Variants in CELF4 observed in about 807,000 individuals in gnomAD.
CELF4 encodes the protein CUGBP Elav-like family member 4.
Under a neutral mutation model 59.9 loss-of-function variants are expected in CELF4, and 18 were observed. That is an observed-to-expected ratio of 0.30 (90% CI 0.21 to 0.45). The LOEUF (loss-of-function observed/expected upper bound fraction) is 0.45, where lower values mean the gene tolerates loss of function less well. CELF4 is among the 20% of genes least tolerant of loss of function. The pLI is 1.00. For synonymous variants in CELF4, 261 were observed against 267.1 expected (o/e 0.98, Z 0.22); for missense variants, 456 against 689.0 (o/e 0.66, Z 3.79).
chr18:37,274,258 G>C, intron 6 of CELF4, 53 bp downstream of exon 6: 1 of 1,595,066 alleles, frequency 6.3e-7, no homozygotes, highest in Non-Finnish European at 8.5e-7. Flanking sequence ...CGCTCTCTGA[G>C]GCTCCCAGGG....
intron 8 of CELF4, among the ~76,000 whole-genome samples, chr18:37,268,642 A>T (rs146755862): frequency 6.6e-6 from 1 of 152,338 alleles, no homozygotes; most frequent in African/African-American, 2.4e-5. Context: ...TGTTTATGTG[A>T]CAGTAAAGGC....
At chr18:37,450,625 C>T (rs1482436300) in intron 2 of CELF4, among the ~76,000 whole-genome samples, 1 of 152,146 alleles carries the variant, frequency 6.6e-6, no homozygotes, top group Admixed American at 6.5e-5. Context: ...ATCTCCATGG[C>T]TGGAATGTTG....
chr18:37,336,913 C>A (rs550199249), intron 2 of CELF4, among the ~76,000 whole-genome samples: 1 of 151,996 alleles, frequency 6.6e-6, no homozygotes, highest in East Asian at 1.9e-4. Context: ...GCGGGGCTGC[C>A]GGGCTGGCCC....
intron 2 of CELF4, among the ~76,000 whole-genome samples, chr18:37,323,461 C>T (rs901744631): frequency 1.3e-5 from 2 of 152,202 alleles, no homozygotes; most frequent in African/African-American, 4.8e-5. Flanking sequence ...TCCCTGTGAA[C>T]GAGCTCCTTT....
chr18:37,404,629 C>G (rs976958210), intron 2 of CELF4, among the ~76,000 whole-genome samples: 1 of 152,188 alleles, frequency 6.6e-6, no homozygotes, highest in Non-Finnish European at 1.5e-5. Context: ...TGCTCCAGCA[C>G]TCTCACCCCA....
intron 3 of CELF4, among the ~76,000 whole-genome samples, chr18:37,295,058 T>C (rs2095560377): frequency 6.6e-6 from 1 of 152,174 alleles, no homozygotes; most frequent in South Asian, 2.1e-4. Flanking sequence ...TGCAATTCTC[T>C]TTCTGTCTCT....
intron 2 of CELF4, among the ~76,000 whole-genome samples, chr18:37,441,500 A>G (rs914931195): frequency 6.6e-6 from 1 of 152,168 alleles, no homozygotes; most frequent in Non-Finnish European, 1.5e-5. Context: ...TCGGATGGGA[A>G]GATATTATTT....
At chr18:37,274,016 G>C in intron 6 of CELF4, 3 of 1,241,004 alleles carry the variant, frequency 2.4e-6, no homozygotes, top group Non-Finnish European at 3.0e-6. Context: ...ACGTTGATCT[G>C]GCTGAGAGGA....
At chr18:37,356,882 C>CATGCCCCACACTTCTCTGCAGCCT (rs1465331118) in intron 2 of CELF4, among the ~76,000 whole-genome samples, 1 of 152,144 alleles carries the variant, frequency 6.6e-6, no homozygotes, top group Non-Finnish European at 1.5e-5. Flanking sequence ...CTCAGGTGTC[C>CATGCCCCACACTTCTCTGCAGCCT]ATGCCCCACA....
chr18:37,546,358 C>T (rs931379892), intron 1 of CELF4, among the ~76,000 whole-genome samples: 2 of 151,900 alleles, frequency 1.3e-5, no homozygotes, highest in Non-Finnish European at 2.9e-5. Flanking sequence ...CACACATGCT[C>T]ACTACATACT....
At chr18:37,252,379 A>G (rs1303102646) in intron 12 of CELF4, among the ~76,000 whole-genome samples, 1 of 151,982 alleles carries the variant, frequency 6.6e-6, no homozygotes, top group Non-Finnish European at 1.5e-5. Context: ...CCTACAAGCT[A>G]TTGTCAACAC....
chr18:37,259,577 CT>C (rs1019040795), intron 10 of CELF4, among the ~76,000 whole-genome samples: 2 of 152,172 alleles, frequency 1.3e-5, no homozygotes, highest in African/African-American at 2.4e-5. Flanking sequence ...AGTCGACCTA[CT>C]GCTGTGTCTC....
chr18:37,454,700 TC>T (rs1177386356), intron 2 of CELF4, among the ~76,000 whole-genome samples: 1 of 152,192 alleles, frequency 6.6e-6, no homozygotes, highest in East Asian at 1.9e-4. Context: ...CATATTTTAC[TC>T]CCAACATCAC....
chr18:37,250,580 G>A (rs936981493), intron 12 of CELF4, among the ~76,000 whole-genome samples: 1 of 152,166 alleles, frequency 6.6e-6, no homozygotes, highest in African/African-American at 2.4e-5. Context: ...GCCCTTCTGA[G>A]CACCTGGGGC....
rs1182463637 is a variant in CELF4 at position 37,479,865 on chromosome 18, C to T, written c.369+5660G>A. Among the ~76,000 whole-genome samples the T allele has an allele frequency of 3.3e-5, 5 of 152,154 alleles. No individual in the cohort carries two copies. The East Asian group carries it at 5.8e-4, about 18-fold the overall frequency. On this transcript the variant is annotated intron_variant, in intron 2 of 12. Coordinates refer to ENST00000420428, the MANE Select transcript of CELF4 (RefSeq NM_020180.4). ...ACGAGGTCATTAGGGCAGGCCCTAA[C>T]GCGATATGACTGCTGTCTTCATAAA...
chr18:37,464,442 A>C (rs754872051), intron 2 of CELF4, among the ~76,000 whole-genome samples: 8 of 152,194 alleles, frequency 5.3e-5, no homozygotes, highest in Non-Finnish European at 1.2e-4. Flanking sequence ...AGAATGACTC[A>C]GGCAGCCCTT....
chr18:37,562,844 C>A (rs1056362832), intron 1 of CELF4, among the ~76,000 whole-genome samples: 1 of 152,084 alleles, frequency 6.6e-6, no homozygotes, highest in Non-Finnish European at 1.5e-5. Context: ...GTGGTCCAAC[C>A]TCGATTATAA....
At chr18:37,341,707 G>T (rs1446219317) in intron 2 of CELF4, among the ~76,000 whole-genome samples, 1 of 152,170 alleles carries the variant, frequency 6.6e-6, no homozygotes, top group Admixed American at 6.5e-5. Flanking sequence ...CCTGCCTGGG[G>T]TGGAGTTGGG....
At chr18:37,302,378 C>T (rs976817356) in intron 3 of CELF4, among the ~76,000 whole-genome samples, 1 of 152,220 alleles carries the variant, frequency 6.6e-6, no homozygotes, top group Non-Finnish European at 1.5e-5. Context: ...CCTCACACTG[C>T]CTCTGTCCCC....
Sources: allele counts gnomAD v4.1 joint callset (sites outside exome capture counted in the v4.1 genomes callset), GRCh38; gene constraint gnomAD v4.1.1; transcripts MANE v1.5; gene names NCBI Gene and HGNC (gene_info 2026-07-23, HGNC 2026-07-21).